The following ACTR3C variants were observed in gnomAD, a reference collection of about 807,000 sequenced individuals.
ACTR3C encodes the protein actin-related protein 3C.
Under a neutral mutation model 26.3 loss-of-function variants are expected in ACTR3C, and 18 were observed. That is an observed-to-expected ratio of 0.68 (90% CI 0.47 to 1.01). The LOEUF (loss-of-function observed/expected upper bound fraction) is 1.01. Among genes scored for constraint, ACTR3C ranks in the 50% least tolerant of loss-of-function variants. ACTR3C has a pLI of 0.00. For synonymous variants in ACTR3C, 55 were observed against 94.5 expected, an observed-to-expected ratio of 0.58 and a Z score of 2.42; for missense variants, 184 against 250.7, an observed-to-expected ratio of 0.73 and a Z score of 1.80.
the ACTR3C span, among the ~76,000 whole-genome samples, chr7:149,892,587 T>G: frequency 9.7e-6 from 1 of 103,294 alleles, no homozygotes; most frequent in East Asian, 3.4e-4. Flanking sequence ...GGTTATTCTA[T>G]TCTGGTATGA....
chr7:150,047,523 C>T, the ACTR3C span: 7 of 726,156 alleles, frequency 9.6e-6, no homozygotes, highest in Admixed American at 6.2e-5. Context: ...GATTCCCCCC[C>T]CCACAGATGC....
the ACTR3C span, among the ~76,000 whole-genome samples, chr7:150,152,170 C>T: frequency 6.6e-5 from 10 of 152,270 alleles, no homozygotes; most frequent in South Asian, 2.1e-4. Context: ...GAACTTCCAA[C>T]GCTATGTTGA....
chr7:149,921,050 C>T, the ACTR3C span, among the ~76,000 whole-genome samples: 2 of 152,162 alleles, frequency 1.3e-5, no homozygotes, highest in Non-Finnish European at 2.9e-5. Context: ...GCCACCGTGC[C>T]CGGCCTATCT....
At chr7:150,177,495 T>C in the ACTR3C span, among the ~76,000 whole-genome samples, 1 of 150,898 alleles carries the variant, frequency 6.6e-6, no homozygotes, top group Admixed American at 6.6e-5. Context: ...GGCAATTATG[T>C]TGACAATACA....
chr7:149,963,476 C>G, the ACTR3C span, among the ~76,000 whole-genome samples: 1 of 152,188 alleles, frequency 6.6e-6, no homozygotes, highest in Admixed American at 6.5e-5. Context: ...AAAGCACTTC[C>G]TCATTTATCC....
the ACTR3C span, among the ~76,000 whole-genome samples, chr7:150,034,052 C>T: frequency 6.6e-6 from 1 of 151,694 alleles, no homozygotes; most frequent in Admixed American, 6.6e-5. Context: ...GAGGGGTTGG[C>T]TCTGAGTCCC....
chr7:149,957,258 C>T, the ACTR3C span, among the ~76,000 whole-genome samples: 1 of 152,002 alleles, frequency 6.6e-6, no homozygotes, highest in Non-Finnish European at 1.5e-5. Flanking sequence ...TGGTGCCCTC[C>T]GCACAGGAAG....
the ACTR3C span, among the ~76,000 whole-genome samples, chr7:150,225,985 C>T: frequency 6.6e-6 from 1 of 152,226 alleles, no homozygotes; most frequent in South Asian, 2.1e-4. Context: ...CAGTTAACAA[C>T]ATGCATTTAA....
At chr7:150,279,084 C>A (rs1378065615) in intron 6 of ACTR3C, among the ~76,000 whole-genome samples, 1 of 152,204 alleles carries the variant, frequency 6.6e-6, no homozygotes, top group Non-Finnish European at 1.5e-5. Context: ...AGGATGATCA[C>A]TTGAGGCCAG....
the ACTR3C span, among the ~76,000 whole-genome samples, chr7:150,036,390 G>T: frequency 6.8e-6 from 1 of 147,432 alleles, no homozygotes; most frequent in African/African-American, 2.4e-5. Flanking sequence ...GGGCCCCACA[G>T]TTTGGGTTAA....
chr7:149,917,635 CTTTTTT>C, the ACTR3C span, among the ~76,000 whole-genome samples: 4 of 93,644 alleles, frequency 4.3e-5, no homozygotes, highest in Non-Finnish European at 7.6e-5. Flanking sequence ...TGTTTTACAT[CTTTTTT>C]TTTTTTTTTT....
At chr7:150,006,105 T>C in the ACTR3C span, among the ~76,000 whole-genome samples, 1 of 152,150 alleles carries the variant, frequency 6.6e-6, no homozygotes, top group African/African-American at 2.4e-5. Context: ...AGGCTCTGTT[T>C]CTTTCTTGTT....
At chr7:149,929,460 T>C in the ACTR3C span, among the ~76,000 whole-genome samples, 2 of 130,330 alleles carry the variant, frequency 1.5e-5, no homozygotes, top group African/African-American at 5.6e-5. Flanking sequence ...GAGTCACCAA[T>C]GGATACTTAA....
At chr7:150,038,024 T>G in the ACTR3C span, among the ~76,000 whole-genome samples, 2 of 114,634 alleles carry the variant, frequency 1.7e-5, no homozygotes, top group African/African-American at 7.4e-5. Flanking sequence ...CCTGCTATGG[T>G]GGTCCCAAGA....
chr7:149,977,086 C>T, the ACTR3C span, among the ~76,000 whole-genome samples: 1 of 151,638 alleles, frequency 6.6e-6, no homozygotes, highest in Non-Finnish European at 1.5e-5. Flanking sequence ...AAGCCTTTCC[C>T]TCTTTGTCTT....
At chr7:150,002,871 T>C in the ACTR3C span, 1 of 152,106 alleles carries the variant, frequency 6.6e-6, no homozygotes, top group East Asian at 1.9e-4. Context: ...GGAACTTTAA[T>C]AGGAAACACA....
intron 7 of ACTR3C, chr7:150,248,106 A>G (rs1285164575): frequency 6.6e-6 from 1 of 152,302 alleles, no homozygotes; most frequent in East Asian, 1.9e-4. Flanking sequence ...GGGTTTCAGC[A>G]GGGCCAAGCT....
chr7:150,059,957 A>G, the ACTR3C span, among the ~76,000 whole-genome samples: 1 of 152,262 alleles, frequency 6.6e-6, no homozygotes, highest in Non-Finnish European at 1.5e-5. Context: ...AAGAACATAT[A>G]TAGAATTTTG....
chr7:150,008,044 AC>A, the ACTR3C span, among the ~76,000 whole-genome samples: 500 of 152,280 alleles, frequency 3.3e-3, 3 homozygotes, highest in African/African-American at 0.012. Context: ...CTCTATTTGA[AC>A]GTCTTAAACG....
Sources: allele counts gnomAD v4.1 joint callset (sites outside exome capture counted in the v4.1 genomes callset), GRCh38; gene constraint gnomAD v4.1.1; transcripts MANE v1.5; gene names NCBI Gene and HGNC (gene_info 2026-07-23, HGNC 2026-07-21).